Variants in FGGY observed in about 807,000 individuals in gnomAD.
FGGY encodes FGGY carbohydrate kinase domain containing.
FGGY carries 72 observed loss-of-function variants against 71.3 expected under a neutral mutation model. The ratio of observed to expected loss-of-function variants is 1.01; its 90% CI spans 0.84 to 1.23. FGGY has a LOEUF of 1.23. FGGY is among the 50% of genes most tolerant of loss of function. The pLI, the probability that FGGY is intolerant of heterozygous loss-of-function variation, is 0.00. For missense variants in FGGY, 668 were observed against 682.3 expected, an observed-to-expected ratio of 0.98 and a Z score of 0.23; for synonymous variants, 251 against 250.3, an observed-to-expected ratio of 1.00 and a Z score of -0.02.
Position 59,374,621 on chromosome 1 carries a change from A to T in FGGY, c.466-4128A>T, listed in dbSNP as rs2058321094. Reference sequence around the variant, plus strand: ...CATGCACACGTATGTTTATTGCGGCACTGTTCACAATAGGAAAGACTTGGA... The same window carrying T: ...CATGCACACGTATGTTTATTGCGGCTCTGTTCACAATAGGAAAGACTTGGA... On this transcript the variant is annotated intron_variant, in intron 4 of 15. Coordinates refer to ENST00000303721, the MANE Select transcript of FGGY (RefSeq NM_018291.5). 2.0e-5 allele frequency among the ~76,000 whole-genome samples: 3 copies of T among 152,258 alleles called. No individual in the cohort carries two copies. The South Asian group carries it at 6.2e-4, about 32-fold the overall frequency.
At chr1:59,593,113 G>A (rs1410945214) in intron 8 of FGGY, among the ~76,000 whole-genome samples, 2 of 152,200 alleles carry the variant, frequency 1.3e-5, no homozygotes, top group African/African-American at 4.8e-5. Context: ...GCCCCACTCT[G>A]TGTGGGACAT....
rs573917634 is a variant in FGGY at position 59,456,951 on chromosome 1, A to G, written c.555-10A>G. On this transcript the variant is annotated splice_polypyrimidine_tract_variant and intron_variant, in intron 5 of 15. Transcript: ENST00000303721. ...GGTCAGTTCTATCTATATCTCTTCT[A>G]TTTTCTTAGGTCTCTCTGCTCCCTG... is the stretch of plus-strand genomic sequence containing the variant. 35 of 1,603,354 alleles carry G rather than the reference A, an allele frequency of 2.2e-5. No homozygotes were observed. The East Asian group carries it at 5.8e-4, about 27-fold the overall frequency.
At chr1:59,491,831 T>C (rs1322874592) in intron 6 of FGGY, among the ~76,000 whole-genome samples, 1 of 152,172 alleles carries the variant, frequency 6.6e-6, no homozygotes, top group Non-Finnish European at 1.5e-5. Flanking sequence ...TTGAATTTGC[T>C]GATCCATTCT....
At chr1:59,648,596 G>T (rs888260961) in intron 11 of FGGY, among the ~76,000 whole-genome samples, 1 of 148,618 alleles carries the variant, frequency 6.7e-6, no homozygotes, top group African/African-American at 2.6e-5. Context: ...TGATGGGGTT[G>T]TTTGTTTTTT....
intron 4 of FGGY, among the ~76,000 whole-genome samples, chr1:59,371,912 T>C (rs2153275753): frequency 6.6e-6 from 1 of 152,304 alleles, no homozygotes; most frequent in African/African-American, 2.4e-5. Context: ...CAAAGCAGTG[T>C]GTAGAGGGAA....
Position 59,660,294 on chromosome 1 carries a change from G to T in FGGY, c.1296+1G>T, listed in dbSNP as rs781021371. On this transcript the variant is annotated splice_donor_variant, in intron 12 of 15. Transcript: ENST00000303721. LOFTEE classifies it high-confidence loss of function. ...CCTGGCCACAGTTCAAGCCATTGCT[G>T]TAAGATACTGTAATGCCATTTTTAA... 6.2e-7 allele frequency: 1 copy of T among 1,611,686 alleles called. No individual in the cohort carries two copies. The highest frequency in any genetic ancestry group is 1.1e-5 in the South Asian group (1 of 91,054).
intron 14 of FGGY, chr1:59,697,748 A>C: frequency 7.8e-7 from 1 of 1,283,768 alleles, no homozygotes; most frequent in Non-Finnish European, 1.0e-6. Context: ...CAAGTAGGTG[A>C]CACAAGAGGT....
intron 14 of FGGY, among the ~76,000 whole-genome samples, chr1:59,747,024 C>A (rs2098204039): frequency 6.6e-6 from 1 of 152,114 alleles, no homozygotes; most frequent in Non-Finnish European, 1.5e-5. Flanking sequence ...TATCAGTTGC[C>A]ATTATAATTA....
chr1:59,443,667 G>A (rs2070525682), intron 5 of FGGY, among the ~76,000 whole-genome samples: 1 of 152,234 alleles, frequency 6.6e-6, no homozygotes, highest in African/African-American at 2.4e-5. Flanking sequence ...GTGTTGTCCT[G>A]TAATTGGATA....
chr1:59,497,128 G>C (rs1301276112), intron 6 of FGGY, among the ~76,000 whole-genome samples: 1 of 152,172 alleles, frequency 6.6e-6, no homozygotes, highest in Non-Finnish European at 1.5e-5. Context: ...GTGAAGAATA[G>C]AGAAGGGTAT....
At chr1:59,668,376 G>A (rs1253311679) in intron 13 of FGGY, among the ~76,000 whole-genome samples, 1 of 152,142 alleles carries the variant, frequency 6.6e-6, no homozygotes, top group African/African-American at 2.4e-5. Context: ...GGGAAAGTGG[G>A]GAAGGGTTGT....
At chr1:59,718,325 A>G (rs1198536579) in intron 14 of FGGY, among the ~76,000 whole-genome samples, 3 of 152,212 alleles carry the variant, frequency 2.0e-5, no homozygotes, top group African/African-American at 4.8e-5. Flanking sequence ...TATGATAGAT[A>G]TAAGGCTTCT....
intron 6 of FGGY, among the ~76,000 whole-genome samples, chr1:59,473,881 A>ATTTCT (rs955278081): frequency 1.3e-5 from 2 of 152,122 alleles, no homozygotes; most frequent in African/African-American, 4.8e-5. Context: ...TGGCAAGCCC[A>ATTTCT]TTTCTTTTCT....
intron 5 of FGGY, among the ~76,000 whole-genome samples, chr1:59,429,649 AG>A (rs904522466): frequency 4.6e-5 from 7 of 152,196 alleles, no homozygotes; most frequent in African/African-American, 1.4e-4. Flanking sequence ...GTTTATTTCC[AG>A]CACACATGCA....
intron 1 of FGGY, among the ~76,000 whole-genome samples, chr1:59,302,156 T>C (rs1403802186): frequency 6.6e-6 from 1 of 152,194 alleles, no homozygotes; most frequent in Non-Finnish European, 1.5e-5. Flanking sequence ...ATATTATCCT[T>C]TTTTTATATT....
At chr1:59,372,426 C>T (rs1328534441) in intron 4 of FGGY, among the ~76,000 whole-genome samples, 1 of 152,078 alleles carries the variant, frequency 6.6e-6, no homozygotes, top group Non-Finnish European at 1.5e-5. Context: ...AATAGCTTAC[C>T]AACCAAAAAG....
At position 59,554,626 on chromosome 1, in the gene FGGY, T is replaced by C. The variant is rs560993842; in HGVS notation, c.903+399T>C. On this transcript the variant is annotated intron_variant, in intron 8 of 15. Coordinates refer to ENST00000303721, the MANE Select transcript of FGGY (RefSeq NM_018291.5). ...CCAGGGAACTCTCTCTCAATCAATA[T>C]AAATCCATCTCCCTGGGAGCGTCCT... 2.0e-5 allele frequency among the ~76,000 whole-genome samples: 3 copies of C among 152,214 alleles called. No individual in the cohort carries two copies. The East Asian group carries it at 5.8e-4, about 29-fold the overall frequency.
intron 5 of FGGY, among the ~76,000 whole-genome samples, chr1:59,402,375 T>G (rs1383346660): frequency 1.3e-5 from 2 of 152,202 alleles, no homozygotes; most frequent in African/African-American, 2.4e-5. Context: ...AGGACAAAGA[T>G]GTAGGACCAA....
At chr1:59,532,238 G>C (rs1336059487) in intron 7 of FGGY, among the ~76,000 whole-genome samples, 1 of 152,126 alleles carries the variant, frequency 6.6e-6, no homozygotes, top group Non-Finnish European at 1.5e-5. Context: ...AAAGTCAACA[G>C]CATACAATAT....
Sources: gnomAD v4.1 joint callset for allele counts (sites outside exome capture counted in the v4.1 genomes callset) on GRCh38, gnomAD v4.1.1 for gene constraint, MANE v1.5 for transcripts, NCBI Gene and HGNC (gene_info 2026-07-23, HGNC 2026-07-21) for gene names.